The following RALB variants were observed in gnomAD, a reference collection of about 807,000 sequenced individuals.
RALB encodes RAS like proto-oncogene B.
In RALB, 16 loss-of-function variants were observed where a neutral mutation model predicts 21.3. The ratio of observed to expected loss-of-function variants is 0.75; its 90% CI spans 0.51 to 1.14. RALB has a LOEUF of 1.14. RALB is among the 50% of genes most tolerant of loss of function. RALB has a pLI of 0.00. For missense variants in RALB, 161 were observed against 256.2 expected (o/e 0.63, Z 2.54); for synonymous variants, 93 against 96.1 (o/e 0.97, Z 0.19).
upstream of RALB, chr2:120,252,706 G>T (rs1242132589): frequency 3.3e-6 from 3 of 907,236 alleles, no homozygotes; most frequent in African/African-American, 1.8e-5. Context: ...CTCCCCGGCC[G>T]CCCGCTGCTT....
chr2:120,246,665 C>T (rs4077564), intron 1 of RALB, among the ~76,000 whole-genome samples: 74,017 of 152,146 alleles, frequency 0.49, 19,180 homozygotes, highest in Middle Eastern at 0.7. Context: ...CTGGATCCGC[C>T]TGGGTGCGGT....
At chr2:120,248,091 C>T (rs1558943511), upstream of RALB, among the ~76,000 whole-genome samples, 1 of 152,146 alleles carries the variant, frequency 6.6e-6, no homozygotes, top group African/African-American at 2.4e-5. Context: ...AGAGAAGGGC[C>T]GAGGGCAAGC....
intron 2 of RALB, among the ~76,000 whole-genome samples, chr2:120,284,482 G>A (rs1384076873): frequency 2.0e-5 from 3 of 151,822 alleles, no homozygotes; most frequent in East Asian, 1.9e-4. Flanking sequence ...CACTGCAAGC[G>A]CCACTTCCCA....
intron 1 of RALB, chr2:120,240,198 C>T: frequency 7.9e-7 from 1 of 1,272,890 alleles, no homozygotes; most frequent in South Asian, 1.2e-5. Context: ...TGTTGTTATC[C>T]TCATTTGCCA....
At chr2:120,271,448 C>T (rs998100112) in intron 1 of RALB, among the ~76,000 whole-genome samples, 1 of 152,166 alleles carries the variant, frequency 6.6e-6, no homozygotes, top group South Asian at 2.1e-4. Flanking sequence ...ATTCTGTATC[C>T]TTGTTGATTC....
intron 1 of RALB, among the ~76,000 whole-genome samples, chr2:120,268,980 T>C (rs117870238): frequency 4.6e-5 from 7 of 152,330 alleles, no homozygotes; most frequent in East Asian, 3.9e-4. Context: ...TTTCTGCACG[T>C]TTCTGATAGA....
chr2:120,281,687 G>A (rs3931844), intron 2 of RALB, among the ~76,000 whole-genome samples: 105,667 of 152,028 alleles, frequency 0.7, 37,322 homozygotes, highest in Middle Eastern at 0.8. Context: ...TCCCCAAAAC[G>A]TTTTTGCATA....
intron 1 of RALB, among the ~76,000 whole-genome samples, chr2:120,244,067 C>A (rs1288552382): frequency 2.0e-5 from 3 of 152,148 alleles, no homozygotes; most frequent in Admixed American, 6.5e-5. Context: ...GCAGGCACAT[C>A]TTCACATGGC....
upstream of RALB, among the ~76,000 whole-genome samples, chr2:120,250,538 C>T (rs1296692484): frequency 3.9e-5 from 6 of 152,238 alleles, no homozygotes; most frequent in Admixed American, 1.3e-4. Flanking sequence ...AAATGTTTGT[C>T]AGACAGCACT....
intron 1 of RALB, among the ~76,000 whole-genome samples, chr2:120,258,859 G>A (rs1393245767): frequency 6.6e-6 from 1 of 151,998 alleles, no homozygotes; most frequent in Admixed American, 6.6e-5. Flanking sequence ...GAATGAAGCC[G>A]CGGACCCTCG....
chr2:120,243,142 A>C (rs542606681), intron 1 of RALB, among the ~76,000 whole-genome samples: 16 of 152,288 alleles, frequency 1.1e-4, no homozygotes, highest in Non-Finnish European at 1.9e-4. Flanking sequence ...GATTTGGTGC[A>C]TTGTGCTGGG....
At chr2:120,280,942 T>C in intron 2 of RALB, 1 of 403,308 alleles carries the variant, frequency 2.5e-6, no homozygotes, top group South Asian at 1.8e-5. Flanking sequence ...AAAATATTGT[T>C]ATTTTGCTGG....
intron 2 of RALB, among the ~76,000 whole-genome samples, chr2:120,283,161 CTG>C (rs1024912793): frequency 6.6e-6 from 1 of 152,188 alleles, no homozygotes; most frequent in African/African-American, 2.4e-5. Flanking sequence ...AAATTGAGCT[CTG>C]TGTTCAGGGA....
intron 1 of RALB, among the ~76,000 whole-genome samples, chr2:120,258,088 A>C (rs1255473409): frequency 6.6e-6 from 1 of 151,592 alleles, no homozygotes; most frequent in Non-Finnish European, 1.5e-5. Context: ...CTGTTTTTCT[A>C]CTCTGTAGCC....
At chr2:120,258,290 G>T (rs1689247103) in intron 1 of RALB, among the ~76,000 whole-genome samples, 1 of 152,178 alleles carries the variant, frequency 6.6e-6, no homozygotes, top group Admixed American at 6.5e-5. Context: ...TCTCTCTGCT[G>T]CAGATAGCTG....
chr2:120,243,468 C>T (rs185089971), intron 1 of RALB, among the ~76,000 whole-genome samples: 37 of 152,344 alleles, frequency 2.4e-4, no homozygotes, highest in African/African-American at 8.7e-4. Flanking sequence ...GAGCACCTCC[C>T]TCCATCCTCC....
intron 1 of RALB, among the ~76,000 whole-genome samples, chr2:120,247,713 G>C (rs903367286): frequency 1.3e-5 from 2 of 152,240 alleles, no homozygotes; most frequent in African/African-American, 4.8e-5. Context: ...GCAAAAGGCT[G>C]CAAGGAAAGG....
chr2:120,253,039 T>C, intron 1 of RALB, 59 bp downstream of exon 1: 1 of 918,644 alleles, frequency 1.1e-6, no homozygotes, highest in South Asian at 5.0e-5. Context: ...GGGAGTGGGG[T>C]ACGCCGCACG....
chr2:120,247,087 C>T (rs891972802), intron 1 of RALB, among the ~76,000 whole-genome samples: 5 of 152,138 alleles, frequency 3.3e-5, no homozygotes, highest in Non-Finnish European at 7.3e-5. Context: ...ACCTGGAGGT[C>T]GGTACCAGAT....
Sources: allele counts gnomAD v4.1 joint callset (sites outside exome capture counted in the v4.1 genomes callset), GRCh38; gene constraint gnomAD v4.1.1; transcripts MANE v1.5; gene names NCBI Gene and HGNC (gene_info 2026-07-23, HGNC 2026-07-21).